The following ATP10B variants were observed in gnomAD, a reference collection of about 807,000 sequenced individuals.
ATP10B encodes the protein phospholipid-transporting ATPase VB.
Under a neutral mutation model 141.2 loss-of-function variants are expected in ATP10B, and 122 were observed. That is an observed-to-expected ratio of 0.86 (90% CI 0.75 to 1.00). The LOEUF (loss-of-function observed/expected upper bound fraction) is 1.00. Among genes scored for constraint, ATP10B ranks in the 50% least tolerant of loss-of-function variants. The pLI is 0.00. For synonymous variants in ATP10B, 685 were observed against 692.0 expected (o/e 0.99, Z 0.16); for missense variants, 1,876 against 1,825.3 (o/e 1.03, Z -0.51).
At position 160,617,969 on chromosome 5, in the gene ATP10B, A is replaced by C. The variant is rs768916725; in HGVS notation, c.2421T>G (p.Pro807=). Residue 807 remains proline, a synonymous_variant, in exon 16 of 26, where the codon CCT becomes CCG. Coordinates refer to ENST00000327245, the MANE Select transcript of ATP10B (RefSeq NM_025153.3). ...TCAGCTTCTTTTCCATATTAATGTC[A>C]GGTACTGTCAAATAGCCATTTTCCC... ...MDLLEDPACV[P]DINMEKKLRK... 2 of 1,613,662 alleles carry C rather than the reference A, an allele frequency of 1.2e-6. No individual in the cohort carries two copies. The highest frequency in any genetic ancestry group is 2.2e-5 in the South Asian group (2 of 91,082).
At chr5:160,685,414 C>G in intron 6 of ATP10B, 1 of 431,572 alleles carries the variant, frequency 2.3e-6, no homozygotes, top group South Asian at 6.9e-5. Flanking sequence ...CCACTTCCTT[C>G]TACTTGTTTG....
At position 160,670,563 on chromosome 5, in the gene ATP10B, A is replaced by G. The variant is rs1307531009; in HGVS notation, c.575T>C (p.Phe192Ser). 5.0e-6 allele frequency: 8 copies of G among 1,613,908 alleles called. No individual in the cohort carries two copies. The highest frequency in any genetic ancestry group is 4.5e-5 in the East Asian group (2 of 44,872). Reference protein sequence around the residue: ...EIVPADILLLFSSDPNGICHL... With the variant: ...EIVPADILLLSSSDPNGICHL... ...GCATATCCCATTGGGGTCAGAGGAA[A>G]AAAGGAGGAGTATGTCTGCTGGGAC... Residue 192 changes from phenylalanine to serine, a missense_variant, in exon 7 of 26, where the codon TTT becomes TCT. Coordinates refer to ENST00000327245, the MANE Select transcript of ATP10B (RefSeq NM_025153.3).
chr5:160,599,448 AC>A (rs1365491327), intron 21 of ATP10B, among the ~76,000 whole-genome samples: 1 of 152,202 alleles, frequency 6.6e-6, no homozygotes, highest in Non-Finnish European at 1.5e-5. Flanking sequence ...TAGCTGTGTG[AC>A]CTTGGACAAA....
chr5:160,632,095 C>A, intron 13 of ATP10B, 34 bp downstream of exon 13: 1 of 1,574,978 alleles, frequency 6.3e-7, no homozygotes, highest in Non-Finnish European at 8.7e-7. Context: ...TCCCACAGAA[C>A]ACTTACAGTT....
chr5:160,880,126 A>G, the ATP10B span, among the ~76,000 whole-genome samples: 2 of 148,308 alleles, frequency 1.3e-5, no homozygotes, highest in Non-Finnish European at 3.0e-5. Context: ...TATGTAAAAG[A>G]AATTATATAA....
chr5:160,701,005 A>G (rs1203319027), intron 3 of ATP10B, among the ~76,000 whole-genome samples: 2 of 152,166 alleles, frequency 1.3e-5, no homozygotes, highest in African/African-American at 4.8e-5. Context: ...AAGCCATTAC[A>G]TGTGTGTCTG....
the ATP10B span, among the ~76,000 whole-genome samples, chr5:160,910,446 C>T: frequency 1.3e-5 from 2 of 152,118 alleles, no homozygotes; most frequent in African/African-American, 4.8e-5. Context: ...ACGCTCCAGC[C>T]CCTATATCGA....
At chr5:160,784,076 G>A (rs912652516) in intron 2 of ATP10B, among the ~76,000 whole-genome samples, 4 of 152,116 alleles carry the variant, frequency 2.6e-5, no homozygotes, top group African/African-American at 4.8e-5. Context: ...AAGCTTCGAA[G>A]CCCAAGTGGT....
intron 7 of ATP10B, among the ~76,000 whole-genome samples, chr5:160,654,308 G>T (rs1016656273): frequency 8.6e-5 from 13 of 151,916 alleles, no homozygotes. Flanking sequence ...TGATTCCCTT[G>T]TGAGACGGTG....
chr5:160,615,553 G>A (rs1161994404), intron 17 of ATP10B, among the ~76,000 whole-genome samples: 1 of 151,934 alleles, frequency 6.6e-6, no homozygotes, highest in Non-Finnish European at 1.5e-5. Flanking sequence ...TAGGTGCTTA[G>A]CAAACATTTG....
the ATP10B span, among the ~76,000 whole-genome samples, chr5:160,858,082 G>T: frequency 1.3e-5 from 2 of 151,584 alleles, no homozygotes; most frequent in South Asian, 4.2e-4. Context: ...TGAGAGTGGG[G>T]TATTGTGGAA....
chr5:160,824,312 A>C (rs1774408381), intron 1 of ATP10B, among the ~76,000 whole-genome samples: 1 of 152,122 alleles, frequency 6.6e-6, no homozygotes, highest in Admixed American at 6.6e-5. Context: ...CACTGCACCC[A>C]ACCCCACATT....
intron 2 of ATP10B, among the ~76,000 whole-genome samples, chr5:160,728,328 C>G (rs1301307181): frequency 6.6e-6 from 1 of 152,160 alleles, no homozygotes; most frequent in African/African-American, 2.4e-5. Context: ...CCGATACACC[C>G]TGAAGCTGGC....
intron 10 of ATP10B, among the ~76,000 whole-genome samples, chr5:160,638,313 T>C (rs1561680700): frequency 6.6e-6 from 1 of 152,182 alleles, no homozygotes; most frequent in African/African-American, 2.4e-5. Context: ...TGCCTTATCT[T>C]GTCCTGTGAC....
intron 15 of ATP10B, 151 bp from the exon 16 acceptor site, chr5:160,618,124 G>A: frequency 1.5e-6 from 1 of 661,892 alleles, no homozygotes; most frequent in South Asian, 1.8e-5. Flanking sequence ...GAGCTCTCCT[G>A]GCTGTCAGGT....
At chr5:160,773,321 G>T (rs1421829659) in intron 2 of ATP10B, among the ~76,000 whole-genome samples, 2 of 152,204 alleles carry the variant, frequency 1.3e-5, no homozygotes, top group Non-Finnish European at 2.9e-5. Flanking sequence ...AAAGGAATAG[G>T]GAGGTACATG....
At chr5:160,872,630 GTGTCA>G in the ATP10B span, among the ~76,000 whole-genome samples, 2 of 152,140 alleles carry the variant, frequency 1.3e-5, no homozygotes, top group South Asian at 4.1e-4. Context: ...GTTGAAAAAG[GTGTCA>G]TTTCCTCATT....
At chr5:160,585,546 G>A (rs1407894519) in intron 24 of ATP10B, among the ~76,000 whole-genome samples, 4 of 152,230 alleles carry the variant, frequency 2.6e-5, no homozygotes, top group African/African-American at 7.2e-5. Flanking sequence ...GAGGTGCAAT[G>A]AGCCAAGATG....
chr5:160,784,515 T>G (rs1380419705), intron 2 of ATP10B, among the ~76,000 whole-genome samples: 5 of 152,190 alleles, frequency 3.3e-5, no homozygotes, highest in Non-Finnish European at 7.4e-5. Flanking sequence ...AAATTAGCAA[T>G]GCATATTTAA....
Sources: gnomAD v4.1 joint callset for allele counts (sites outside exome capture counted in the v4.1 genomes callset) on GRCh38, gnomAD v4.1.1 for gene constraint, MANE v1.5 for transcripts, NCBI Gene and HGNC (gene_info 2026-07-23, HGNC 2026-07-21) for gene names.